The following MARCHF6 variants were observed in gnomAD, a reference collection of about 807,000 sequenced individuals.
The protein encoded by MARCHF6 is membrane associated ring-CH-type finger 6.
MARCHF6 carries 31 observed loss-of-function variants against 133.7 expected under a neutral mutation model. The ratio of observed to expected loss-of-function variants is 0.23; its 90% confidence interval spans 0.17 to 0.31. The LOEUF (loss-of-function observed/expected upper bound fraction) is 0.31. Ranked by LOEUF, MARCHF6 falls within the 10% of genes least tolerant of loss-of-function variation. The pLI, the probability that MARCHF6 is intolerant of heterozygous loss-of-function variation, is 1.00. For synonymous variants in MARCHF6, 395 were observed against 402.5 expected (o/e 0.98, Z 0.22); for missense variants, 723 against 1,121.6 (o/e 0.64, Z 5.08).
chr5:10,429,784 T>G lies in MARCHF6; in HGVS notation c.2507-109T>G, dbSNP rs551514067. 4.7e-6 allele frequency: 4 copies of G among 849,170 alleles called. No homozygotes were observed. In the Admixed American group the frequency reaches 6.8e-5, roughly 15 times the overall value. 52.6% of individuals were successfully genotyped at this position (849,170 alleles called of 1,614,324 possible). Reference sequence around the variant, plus strand: ...TGTAGAAAGTTAACAGACCTGGGGCTTAGAAAGCTTGTCTGCCCCAGTCCA... The same window carrying G: ...TGTAGAAAGTTAACAGACCTGGGGCGTAGAAAGCTTGTCTGCCCCAGTCCA... On this transcript the variant is annotated intron_variant, in intron 24 of 25. Coordinates refer to ENST00000274140, the MANE Select transcript of MARCHF6 (RefSeq NM_005885.4).
Position 10,403,650 on chromosome 5 carries a change from TCTA to T in MARCHF6, c.1332+113_1332+115del. The T allele has an allele frequency of 3.0e-6, 3 of 984,878 alleles. No individual in the cohort carries two copies. In the South Asian group the frequency reaches 6.6e-5, roughly 22 times the overall value. 61.0% of individuals were successfully genotyped at this position (984,878 alleles called of 1,614,324 possible). A position where few individuals can be genotyped will look rare whatever the true frequency, so the allele number is the denominator to read the frequency against. On this transcript the variant is annotated intron_variant, in intron 15 of 25. Coordinates refer to ENST00000274140, the MANE Select transcript of MARCHF6 (RefSeq NM_005885.4). ...ATGATTTCCTACCTAAATCATATTC[TCTA>T]CTATTTTATTCTAAGAGGGAATAAC...
intron 22 of MARCHF6, among the ~76,000 whole-genome samples, chr5:10,420,602 C>G (rs1015989003): frequency 6.6e-6 from 1 of 152,210 alleles, no homozygotes. Context: ...CACTGTTAGC[C>G]AGGCCTTAGT....
chr5:10,384,511 C>T (rs1197653515), intron 4 of MARCHF6, among the ~76,000 whole-genome samples: 1 of 152,200 alleles, frequency 6.6e-6, no homozygotes, highest in African/African-American at 2.4e-5. Context: ...CTCTCCGTAT[C>T]TGTGGGTTCT....
At chr5:10,402,296 C>A in intron 12 of MARCHF6, 88 bp from the exon 13 acceptor site, 1 of 1,272,872 alleles carries the variant, frequency 7.9e-7, no homozygotes. Context: ...TAAATTAATT[C>A]TGTCAAAAAA....
chr5:10,365,920 G>A (rs1044306268), intron 1 of MARCHF6, among the ~76,000 whole-genome samples: 1 of 151,820 alleles, frequency 6.6e-6, no homozygotes, highest in Non-Finnish European at 1.5e-5. Context: ...TTCCATATTA[G>A]CAAATAGTTA....
intron 1 of MARCHF6, among the ~76,000 whole-genome samples, chr5:10,369,766 C>T (rs1736358595): frequency 6.6e-6 from 1 of 152,050 alleles, no homozygotes; most frequent in African/African-American, 2.4e-5. Flanking sequence ...AGTCTGGTTT[C>T]TTTAACTTAA....
At chr5:10,407,954 C>CT (rs1491114307) in intron 17 of MARCHF6, among the ~76,000 whole-genome samples, 5 of 50,516 alleles carry the variant, frequency 9.9e-5, no homozygotes, top group Non-Finnish European at 2.0e-4. Flanking sequence ...GAAACTGCAT[C>CT]CCCCCCCCCC....
chr5:10,402,346 C>T (rs1738592393), intron 12 of MARCHF6, 38 bp from the exon 13 acceptor site: 2 of 1,557,522 alleles, frequency 1.3e-6, no homozygotes, highest in East Asian at 2.2e-5. Flanking sequence ...TTCATTGTAC[C>T]TTTAAATACT....
intron 8 of MARCHF6, among the ~76,000 whole-genome samples, chr5:10,394,405 CAATTT>C (rs1428152459): frequency 6.6e-6 from 1 of 151,954 alleles, no homozygotes; most frequent in Non-Finnish European, 1.5e-5. Flanking sequence ...AACAAAATAA[CAATTT>C]AAATTTAAGT....
chr5:10,431,960 G>T (rs1380395423), intron 25 of MARCHF6, among the ~76,000 whole-genome samples: 1 of 152,144 alleles, frequency 6.6e-6, no homozygotes, highest in Non-Finnish European at 1.5e-5. Flanking sequence ...AAAATCAGTG[G>T]TTGGTTGGGG....
chr5:10,433,120 C>T (rs1740449457), intron 25 of MARCHF6, among the ~76,000 whole-genome samples: 1 of 152,136 alleles, frequency 6.6e-6, no homozygotes, highest in Non-Finnish European at 1.5e-5. Context: ...AAACTCCTGA[C>T]CTCAGGTGAT....
At chr5:10,400,063 G>A (rs1348278053) in intron 10 of MARCHF6, among the ~76,000 whole-genome samples, 1 of 152,138 alleles carries the variant, frequency 6.6e-6, no homozygotes, top group East Asian at 1.9e-4. Flanking sequence ...TATATGTGAG[G>A]AGCTGAGATA....
chr5:10,403,561 C>A lies in MARCHF6; in HGVS notation c.1332+20C>A, dbSNP rs749708602. On this transcript the variant is annotated intron_variant, in intron 15 of 25. Coordinates refer to ENST00000274140, the MANE Select transcript of MARCHF6 (RefSeq NM_005885.4). ...AGAGAGGTAAGTCCACAGGGAAATG[C>A]TGATGCTGTACATTTATAAAAAGGA... The A allele has an allele frequency of 3.8e-6, 6 of 1,595,362 alleles. No individual in the cohort carries two copies. The African/African-American group carries it at 6.7e-5, about 18-fold the overall frequency.
intron 22 of MARCHF6, 71 bp downstream of exon 22, chr5:10,417,475 T>G: frequency 6.3e-7 from 1 of 1,591,482 alleles, no homozygotes; most frequent in Non-Finnish European, 8.6e-7. Flanking sequence ...TAGCCAGGCA[T>G]GGGGCTTACG....
chr5:10,412,305 C>T (rs902329634), intron 19 of MARCHF6, among the ~76,000 whole-genome samples: 2 of 152,200 alleles, frequency 1.3e-5, no homozygotes, highest in African/African-American at 4.8e-5. Flanking sequence ...TCAGAAAGAG[C>T]TTACAGTCTA....
chr5:10,420,785 T>C (rs774358012), intron 22 of MARCHF6, among the ~76,000 whole-genome samples: 4 of 152,242 alleles, frequency 2.6e-5, no homozygotes, highest in Non-Finnish European at 4.4e-5. Flanking sequence ...CTTTACTGGC[T>C]AACATGATTG....
chr5:10,405,984 C>A (rs1333182630), intron 16 of MARCHF6, among the ~76,000 whole-genome samples: 1 of 152,164 alleles, frequency 6.6e-6, no homozygotes, highest in African/African-American at 2.4e-5. Context: ...GGCCGCACAG[C>A]AGGAGATGGG....
chr5:10,354,988 A>G (rs1735360131), intron 1 of MARCHF6, among the ~76,000 whole-genome samples: 1 of 152,178 alleles, frequency 6.6e-6, no homozygotes, highest in South Asian at 2.1e-4. Context: ...CAACTATAAC[A>G]TGTGGCACTT....
At chr5:10,383,063 T>C (rs1411334100) in intron 4 of MARCHF6, among the ~76,000 whole-genome samples, 1 of 152,162 alleles carries the variant, frequency 6.6e-6, no homozygotes. Context: ...ACTAAATGTT[T>C]AATTAGTATA....
Sources: allele counts gnomAD v4.1 joint callset (sites outside exome capture counted in the v4.1 genomes callset), GRCh38; gene constraint gnomAD v4.1.1; transcripts MANE v1.5; gene names NCBI Gene and HGNC (gene_info 2026-07-23, HGNC 2026-07-21).